TMTC1: variants seen among roughly 807,000 people sequenced by gnomAD.
The protein encoded by TMTC1 is protein O-mannosyl-transferase TMTC1.
TMTC1 carries 73 observed loss-of-function variants against 104.8 expected under a neutral mutation model. The observed-to-expected ratio is 0.70, with a 90% CI of 0.58 to 0.85. The LOEUF is 0.85. Among genes scored for constraint, TMTC1 ranks in the 40% least tolerant of loss-of-function variants. The pLI is 0.00. For missense variants in TMTC1, 1,035 were observed against 1,096.1 expected (o/e 0.94, Z 0.79); for synonymous variants, 434 against 428.7 (o/e 1.01, Z -0.15).
chr12:29,521,562 CTTTCTT>C (rs1313392245), intron 11 of TMTC1, among the ~76,000 whole-genome samples: 38 of 99,018 alleles, frequency 3.8e-4, no homozygotes, highest in Non-Finnish European at 7.1e-4. Flanking sequence ...CTTTTTCTTT[CTTTCTT>C]TTTTTTTTTT....
chr12:29,664,174 G>C (rs530045473), intron 5 of TMTC1, among the ~76,000 whole-genome samples: 1 of 149,084 alleles, frequency 6.7e-6, no homozygotes, highest in East Asian at 2.0e-4. Flanking sequence ...GCGACAGAGC[G>C]AGACTCCGTC....
chr12:29,763,229 CAGG>C (rs544348087), intron 2 of TMTC1, among the ~76,000 whole-genome samples: 30 of 152,198 alleles, frequency 2.0e-4, no homozygotes, highest in Non-Finnish European at 3.5e-4. Flanking sequence ...GTGTCCCTTG[CAGG>C]AGAAGCTCAA....
chr12:29,737,557 G>A (rs1042553300), intron 5 of TMTC1, among the ~76,000 whole-genome samples: 1 of 152,090 alleles, frequency 6.6e-6, no homozygotes, highest in African/African-American at 2.4e-5. Flanking sequence ...CGGGAGGGGG[G>A]AAGCCACTCA....
At chr12:29,768,668 C>T (rs1943528750) in intron 1 of TMTC1, among the ~76,000 whole-genome samples, 1 of 152,164 alleles carries the variant, frequency 6.6e-6, no homozygotes, top group Non-Finnish European at 1.5e-5. Context: ...CCAGCTGCAG[C>T]TGAAATGAAA....
At chr12:29,663,148 C>A (rs897504737) in intron 5 of TMTC1, among the ~76,000 whole-genome samples, 3 of 152,194 alleles carry the variant, frequency 2.0e-5, no homozygotes, top group Non-Finnish European at 4.4e-5. Flanking sequence ...CAACTGGGTT[C>A]TTCGTTGCCT....
intron 5 of TMTC1, among the ~76,000 whole-genome samples, chr12:29,746,031 AT>A (rs1165861887): frequency 1.3e-5 from 2 of 152,220 alleles, no homozygotes; most frequent in African/African-American, 4.8e-5. Flanking sequence ...GCAATTAAAA[AT>A]TTGCAACAAC....
At chr12:29,586,250 G>A (rs1180247893) in intron 7 of TMTC1, among the ~76,000 whole-genome samples, 7 of 152,046 alleles carry the variant, frequency 4.6e-5, no homozygotes, top group African/African-American at 1.7e-4. Flanking sequence ...TGTTATTGGT[G>A]TATAAGAATG....
intron 5 of TMTC1, among the ~76,000 whole-genome samples, chr12:29,673,855 G>T (rs1330369820): frequency 6.8e-6 from 1 of 146,614 alleles, no homozygotes; most frequent in Non-Finnish European, 1.5e-5. Flanking sequence ...TGCCTCCCAG[G>T]TTCAAGCGAT....
chr12:29,567,477 A>C (rs1945549230), intron 9 of TMTC1, among the ~76,000 whole-genome samples: 1 of 152,204 alleles, frequency 6.6e-6, no homozygotes, highest in Admixed American at 6.5e-5. Context: ...CAGCATATAT[A>C]TACTGAGAAT....
rs554214253 is a variant in TMTC1, at chr12:29,661,542, C to A, written c.939-28206G>T. ...GTTCAAGCGATTCTCATGCCTCAGC[C>A]TCCCGAGTAGTTGGGACTACAGGTA... is the stretch of plus-strand genomic sequence containing the variant. On this transcript the variant is annotated intron_variant, in intron 5 of 17. Transcript: ENST00000539277. 4.0e-3 allele frequency among the ~76,000 whole-genome samples: 437 copies of A among 108,822 alleles called. 11 individuals are homozygous for A. Among genetic ancestry groups the A allele is most frequent in the Middle Eastern group, 5.2e-3 (1 of 194 alleles). The allele number at this position is 108,822 out of a possible 152,430, so 71.4% of individuals were successfully genotyped here.
chr12:29,670,042 T>A (rs775121420), intron 5 of TMTC1, among the ~76,000 whole-genome samples: 8 of 152,202 alleles, frequency 5.3e-5, no homozygotes, highest in African/African-American at 7.2e-5. Flanking sequence ...TCCATCCAAG[T>A]TTGTTGCAAA....
chr12:29,622,177 A>G (rs1468917089), intron 6 of TMTC1, among the ~76,000 whole-genome samples: 2 of 152,216 alleles, frequency 1.3e-5, no homozygotes, highest in African/African-American at 4.8e-5. Flanking sequence ...AGGTATCAGT[A>G]GCCCACCTCT....
At chr12:29,731,346 G>A (rs1008341782) in intron 5 of TMTC1, among the ~76,000 whole-genome samples, 2 of 152,058 alleles carry the variant, frequency 1.3e-5, no homozygotes, top group Admixed American at 6.6e-5. Flanking sequence ...TAGTAGAGAC[G>A]GCGTTTCATC....
intron 5 of TMTC1, among the ~76,000 whole-genome samples, chr12:29,731,638 A>G (rs1333119674): frequency 5.6e-3 from 1 of 180 alleles, no homozygotes; most frequent in African/African-American, 8.5e-3. Context: ...AAATAACTCG[A>G]TAAGCAAGTA....
chr12:29,525,505 T>C (rs535185057), intron 11 of TMTC1, among the ~76,000 whole-genome samples: 3 of 152,180 alleles, frequency 2.0e-5, no homozygotes, highest in African/African-American at 7.2e-5. Context: ...CTTTTTCTGA[T>C]ATCATTTTCA....
At chr12:29,693,845 C>A (rs1941335999) in intron 5 of TMTC1, among the ~76,000 whole-genome samples, 1 of 152,040 alleles carries the variant, frequency 6.6e-6, no homozygotes, top group Admixed American at 6.5e-5. Context: ...AATGCCCGGG[C>A]AGACTGACAG....
At chr12:29,597,223 T>C (rs934233182) in intron 7 of TMTC1, among the ~76,000 whole-genome samples, 3 of 147,140 alleles carry the variant, frequency 2.0e-5, no homozygotes, top group Admixed American at 2.0e-4. Flanking sequence ...CTTTTTCTTT[T>C]TCTTTCTTTC....
chr12:29,510,775 T>C (rs1191540848), intron 17 of TMTC1, among the ~76,000 whole-genome samples: 3 of 152,142 alleles, frequency 2.0e-5, no homozygotes, highest in African/African-American at 7.2e-5. Context: ...GCAAGGGTGG[T>C]TCTTTAAAAA....
intron 9 of TMTC1, among the ~76,000 whole-genome samples, chr12:29,558,353 T>C (rs1434236868): frequency 6.6e-6 from 1 of 152,184 alleles, no homozygotes; most frequent in East Asian, 1.9e-4. Context: ...GTTCTGTACC[T>C]TCTAAGAAGA....
Sources: allele counts gnomAD v4.1 joint callset (sites outside exome capture counted in the v4.1 genomes callset), GRCh38; gene constraint gnomAD v4.1.1; transcripts MANE v1.5; gene names NCBI Gene and HGNC (gene_info 2026-07-23, HGNC 2026-07-21).